Variants in MARCHF1 observed in about 807,000 individuals in gnomAD.
MARCHF1 encodes the protein membrane associated ring-CH-type finger 1, also known as E3 ubiquitin-protein ligase MARCHF1.
A neutral mutation model predicts 54.2 loss-of-function variants in MARCHF1; 40 were observed. The ratio of observed to expected loss-of-function variants is 0.74; its 90% CI spans 0.57 to 0.96. The LOEUF is 0.96. Among genes scored for constraint, MARCHF1 ranks in the 40% least tolerant of loss-of-function variants. The pLI is 0.00. For missense variants in MARCHF1, 586 were observed against 656.5 expected, an observed-to-expected ratio of 0.89 and a Z score of 1.17; for synonymous variants, 236 against 236.3, an observed-to-expected ratio of 1.00 and a Z score of 0.01.
chr4:164,194,985 C>T (rs1199675315), intron 1 of MARCHF1, among the ~76,000 whole-genome samples: 2 of 151,644 alleles, frequency 1.3e-5, no homozygotes, highest in African/African-American at 2.4e-5. Context: ...CCCTGACAGG[C>T]CCCAGTGTGT....
chr4:164,141,482 C>T (rs1294038508), intron 1 of MARCHF1, among the ~76,000 whole-genome samples: 2 of 152,182 alleles, frequency 1.3e-5, no homozygotes, highest in African/African-American at 2.4e-5. Context: ...CTGTGCCATA[C>T]CAAATCAGGC....
rs1174014326 is a variant in MARCHF1, at chr4:164,176,964, CTCTCTCTCT to C, written c.-322-65311_-322-65303del. 1.0e-3 allele frequency among the ~76,000 whole-genome samples: 48 copies of C among 47,698 alleles called. 6 individuals are homozygous for C. The highest frequency in any genetic ancestry group is 1.9e-3 in the South Asian group (2 of 1,074). The allele number at this position is 47,698 out of a possible 152,430, so 31.3% of individuals were successfully genotyped here. ...GCGCTCTCTCTCTCTCTCTCTCTCT[CTCTCTCTCT>C]CTCTCTCTATATATATATATATATA... On this transcript the variant is annotated intron_variant, in intron 1 of 9. Transcript: ENST00000514618.
At chr4:164,196,846 G>A (rs1041385090) in intron 1 of MARCHF1, among the ~76,000 whole-genome samples, 4 of 151,826 alleles carry the variant, frequency 2.6e-5, no homozygotes, top group African/African-American at 9.7e-5. Flanking sequence ...CACTTTTCCC[G>A]TCTCATTCCC....
At chr4:164,349,722 A>G (rs930224618) in intron 1 of MARCHF1, among the ~76,000 whole-genome samples, 1 of 152,204 alleles carries the variant, frequency 6.6e-6, no homozygotes, top group Non-Finnish European at 1.5e-5. Flanking sequence ...GCAGTTACCT[A>G]TAAAAGAATG....
rs34316017 is a variant in MARCHF1, at chr4:164,368,046, TAA to T, written c.-323+15822_-323+15823del. ...AAGAATTCAACACAAAAAAAAGATT[TAA>T]AAAAAGACAATAAAAGATTAAACCC... On this transcript the variant is annotated intron_variant, in intron 1 of 9. Transcript: ENST00000514618. 4.0e-5 allele frequency among the ~76,000 whole-genome samples: 6 copies of T among 149,658 alleles called. No homozygotes were observed. The East Asian group carries it at 1.2e-3, about 30-fold the overall frequency.
chr4:164,290,406 T>G (rs189391794), intron 1 of MARCHF1, among the ~76,000 whole-genome samples: 119 of 152,170 alleles, frequency 7.8e-4, no homozygotes, highest in African/African-American at 2.9e-3. Flanking sequence ...GTTTACTAAC[T>G]TATTGCTTTG....
intron 1 of MARCHF1, among the ~76,000 whole-genome samples, chr4:164,244,717 A>C (rs1421406216): frequency 6.6e-6 from 1 of 151,690 alleles, no homozygotes; most frequent in Non-Finnish European, 1.5e-5. Context: ...CTAGCAAGAC[A>C]AATAAAGAAA....
At chr4:163,610,050 C>T (rs550293451) in intron 7 of MARCHF1, among the ~76,000 whole-genome samples, 1 of 152,076 alleles carries the variant, frequency 6.6e-6, no homozygotes, top group Admixed American at 6.6e-5. Context: ...TGGCATTTCC[C>T]CCGCCTTGAG....
In MARCHF1 at chr4:163,562,260, G is replaced by A. The variant is rs557147816; in HGVS notation, c.1192-16517C>T. 9.2e-5 allele frequency among the ~76,000 whole-genome samples: 14 copies of A among 152,164 alleles called. No homozygotes were observed. In the East Asian group the frequency reaches 1.9e-3, roughly 21 times the overall value. ...TGCAGTGAGCAGAGATCGCGCCACT[G>A]CACTCCAGCCTGGCGTCAGAGCCAG... On this transcript the variant is annotated intron_variant, in intron 8 of 9. Transcript: ENST00000514618.
chr4:164,076,422 A>G (rs1405099436), intron 2 of MARCHF1, among the ~76,000 whole-genome samples: 2 of 152,204 alleles, frequency 1.3e-5, no homozygotes, highest in Admixed American at 1.3e-4. Context: ...TGACAAAGCC[A>G]CAGCCAATAT....
At chr4:163,722,762 G>A (rs574601867) in intron 4 of MARCHF1, among the ~76,000 whole-genome samples, 8 of 152,282 alleles carry the variant, frequency 5.3e-5, no homozygotes, top group African/African-American at 1.9e-4. Flanking sequence ...TTGTTGAATT[G>A]ATCCCTTTAC....
chr4:163,645,517 AG>A (rs1434377800), intron 5 of MARCHF1, among the ~76,000 whole-genome samples: 6 of 152,250 alleles, frequency 3.9e-5, no homozygotes, highest in African/African-American at 1.4e-4. Context: ...CCAGCAACCA[AG>A]TCCAAAGAAA....
At chr4:164,276,835 T>G (rs1319073412) in intron 1 of MARCHF1, among the ~76,000 whole-genome samples, 1 of 148,132 alleles carries the variant, frequency 6.8e-6, no homozygotes, top group African/African-American at 2.4e-5. Flanking sequence ...AATCATTATG[T>G]GTAATTACAA....
chr4:163,720,431 C>G (rs562808295), intron 4 of MARCHF1, among the ~76,000 whole-genome samples: 106 of 152,256 alleles, frequency 7.0e-4, no homozygotes, highest in Non-Finnish European at 1.2e-3. Context: ...GTTACTGTAG[C>G]CTTGTAGTAT....
At chr4:164,358,866 T>C (rs914848581) in intron 1 of MARCHF1, among the ~76,000 whole-genome samples, 1 of 152,124 alleles carries the variant, frequency 6.6e-6, no homozygotes, top group Admixed American at 6.5e-5. Flanking sequence ...AGCAATTGGA[T>C]TTTTAAAAAA....
intron 1 of MARCHF1, among the ~76,000 whole-genome samples, chr4:164,119,360 A>G (rs555846598): frequency 2.6e-5 from 4 of 151,680 alleles, no homozygotes; most frequent in South Asian, 4.1e-4. Flanking sequence ...AGTATAAGCA[A>G]TAATCAAAAG....
At chr4:163,957,368 C>T (rs1424074643) in intron 3 of MARCHF1, among the ~76,000 whole-genome samples, 1 of 152,038 alleles carries the variant, frequency 6.6e-6, no homozygotes, top group African/African-American at 2.4e-5. Context: ...TAGTATAAAA[C>T]ATAGTAAATG....
At chr4:164,197,203 TC>T (rs756616539) in intron 1 of MARCHF1, 105 of 1,609,756 alleles carry the variant, frequency 6.5e-5, no homozygotes, top group Non-Finnish European at 8.3e-5. Context: ...CTCCTCATGC[TC>T]ACCCTCCTCC....
At chr4:163,652,347 GAT>G (rs1157679451) in intron 5 of MARCHF1, among the ~76,000 whole-genome samples, 4 of 151,792 alleles carry the variant, frequency 2.6e-5, no homozygotes, top group Non-Finnish European at 5.9e-5. Flanking sequence ...ACACACATGA[GAT>G]ACGTCTTTGT....
Sources: gnomAD v4.1 joint callset for allele counts (sites outside exome capture counted in the v4.1 genomes callset) on GRCh38, gnomAD v4.1.1 for gene constraint, MANE v1.5 for transcripts, NCBI Gene and HGNC (gene_info 2026-07-23, HGNC 2026-07-21) for gene names.